Variants in TRMT2A observed in about 807,000 individuals in gnomAD.
TRMT2A encodes the protein tRNA (uracil-5-)-methyltransferase homolog A.
In TRMT2A, 60 loss-of-function variants were observed where a neutral mutation model predicts 59.3. That is an observed-to-expected ratio of 1.01 (90% CI 0.82 to 1.26). TRMT2A has a LOEUF of 1.26. TRMT2A is among the 50% of genes most tolerant of loss of function. The probability of loss-of-function intolerance (pLI) is 0.00; values close to 1 mark genes in which losing one functional copy is unlikely to be tolerated. For missense variants in TRMT2A, 863 were observed against 845.2 expected, an observed-to-expected ratio of 1.02 and a Z score of -0.26; for synonymous variants, 403 against 353.7, an observed-to-expected ratio of 1.14 and a Z score of -1.56.
At position 20,113,109 on chromosome 22, in the gene TRMT2A, G is replaced by A. The variant is rs745407437; in HGVS notation, c.1549+9C>T. On this transcript the variant is annotated intron_variant, in intron 10 of 11. Transcript: ENST00000252136. ...TCCCGTGCCACCTCCTTAAGCAAAA[G>A]CCACTCACGCAAGCCAGCACGGGGT... 7 of 1,606,888 alleles carry A rather than the reference G, an allele frequency of 4.4e-6. No individual in the cohort carries two copies. Among genetic ancestry groups the A allele is most frequent in the Non-Finnish European group, 6.0e-6 (7 of 1,175,482 alleles).
chr22:20,115,158 C>T (rs1402470302), intron 4 of TRMT2A, 79 bp from the exon 5 acceptor site: 3 of 1,564,984 alleles, frequency 1.9e-6, no homozygotes, highest in South Asian at 2.3e-5. Flanking sequence ...CCACACCTTC[C>T]TTCATCTGGC....
In TRMT2A at chr22:20,115,665, G is replaced by C. The variant is rs751176877; in HGVS notation, c.708+7C>G. ...AGGGGTTTGTGGCCACCGAAGTCTA[G>C]TCTGACCTGCTGGGGTGATGGCCTG... On this transcript the variant is annotated splice_region_variant and intron_variant, in intron 3 of 11. Transcript: ENST00000252136. The C allele has an allele frequency of 1.9e-6, 3 of 1,612,786 alleles. No individual in the cohort carries two copies. The highest frequency in any genetic ancestry group is 2.5e-6 in the Non-Finnish European group (3 of 1,179,888).
rs1568968085 is a variant in TRMT2A at position 20,112,807 on chromosome 22, A to G, written c.1647-13T>C. On this transcript the variant is annotated splice_polypyrimidine_tract_variant and intron_variant, in intron 11 of 11. Transcript: ENST00000252136. ...GGCTCTGCAGAGGCTGTGGGGGGAA[A>G]AGGGGGGCGCTAAGGTCAGCCGATA... is the stretch of plus-strand genomic sequence containing the variant. The G allele has an allele frequency of 6.2e-7, 1 of 1,612,862 alleles. No individual in the cohort carries two copies. Among genetic ancestry groups the G allele is most frequent in the Admixed American group, 1.7e-5 (1 of 60,010 alleles).
rs1568967403 is a variant in TRMT2A, at chr22:20,112,585, G to A, written c.1856C>T (p.Thr619Ile). The A allele has an allele frequency of 6.2e-7, 1 of 1,614,012 alleles. No homozygotes were observed. The highest frequency in any genetic ancestry group is 1.1e-5 in the South Asian group (1 of 91,086). The change falls in exon 12 of 12, where the codon ACT becomes ATT. Residue 619 changes from threonine to isoleucine, a missense_variant. Thr to Ile is a moderately conservative substitution (Grantham distance 89). Transcript: ENST00000252136. ...GGCCTAGGATGAGGGGAAGGTCCCAGTTTCTTGTAGGGTGTTATCTGGGGG... is the reference window on the plus strand; with the variant it reads ...GGCCTAGGATGAGGGGAAGGTCCCAATTTCTTGTAGGGTGTTATCTGGGGG... ...PGPPDNTLQE[T>I]GTFPSS
At position 20,113,162 on chromosome 22, in the gene TRMT2A, G is replaced by T. The variant is rs763811273; in HGVS notation, c.1505C>A (p.Ser502Tyr). 40 of 1,597,994 alleles carry T rather than the reference G, an allele frequency of 2.5e-5. No individual in the cohort carries two copies. The highest frequency in any genetic ancestry group is 3.2e-5 in the Non-Finnish European group (37 of 1,171,304). Reference protein sequence around the residue: ...LVPTLVSRLASQHLVAILDPP... With the variant: ...LVPTLVSRLAYQHLVAILDPP... ...GTCCAGGATGGCCACGAGGTGCTGG[G>T]AGGCCAGTCTGCTCACCAGGGTGGG... The change falls in exon 10 of 12, where the codon TCC becomes TAC. Residue 502 changes from serine (S) to tyrosine (Y), a missense_variant. Transcript: ENST00000252136.
At position 20,112,507 on chromosome 22, in the gene TRMT2A, C is replaced by T. The variant is rs1170367139; in HGVS notation, c.*56G>A. The T allele has an allele frequency of 1.9e-6, 3 of 1,566,328 alleles. No homozygotes were observed. The highest frequency in any genetic ancestry group is 2.6e-6 in the Non-Finnish European group (3 of 1,154,672). On this transcript the variant is annotated 3_prime_UTR_variant, in exon 12 of 12. Transcript: ENST00000252136. ...TCCTGGCCAGCAAGCCATGCCTTCC[C>T]CGCCCCTGGGGCCCTGGGAGCCCTT...
intron 1 of TRMT2A, 89 bp from the exon 2 acceptor site, chr22:20,116,701 G>A: frequency 1.4e-6 from 2 of 1,462,480 alleles, no homozygotes; most frequent in Non-Finnish European, 1.8e-6. Flanking sequence ...CCAGACCTCC[G>A]TCGGTGCACT....
At chr22:20,112,881 G>A (rs2049887970) in intron 11 of TRMT2A, 30 bp downstream of exon 11, 2 of 1,612,464 alleles carry the variant, frequency 1.2e-6, no homozygotes, top group East Asian at 4.5e-5. Flanking sequence ...AGCAGGCCTA[G>A]CCCCCACCCA....
Position 20,116,552 on chromosome 22 carries a change from C to T in TRMT2A, c.85G>A (p.Val29Ile), listed in dbSNP as rs762579927. The part of the protein sequence containing the change: ...ESSSALSCPT[V>I]SVPPAAPAAL... ...GCCGGGGCTGCAGGGGGCACCGAGA[C>T]GGTAGGGCAGCTCAGGGCACTGCTG... The change falls in exon 2 of 12, where the codon GTC (valine) becomes ATC (isoleucine). Residue 29 changes from valine to isoleucine, a missense_variant. By Grantham distance (29) the Val-to-Ile change is conservative. Transcript: ENST00000252136. 5 of 1,593,810 alleles carry T rather than the reference C, an allele frequency of 3.1e-6. No homozygotes were observed. Among genetic ancestry groups the T allele is most frequent in the Non-Finnish European group, 3.4e-6 (4 of 1,173,318 alleles).
In TRMT2A at chr22:20,114,679, A is replaced by C. The variant is rs765283831; in HGVS notation, c.1128T>G (p.Thr376=). The change falls in exon 7 of 12, where the codon ACT becomes ACG. Residue 376 remains threonine (T), a synonymous_variant. Transcript: ENST00000252136. Reference sequence around the variant, plus strand: ...CCAGGGGCAGGCCCTCCTGGCTAGGAGTCTTTCTGTGGGCGAAGGTGCAGG... The same window carrying C: ...CCAGGGGCAGGCCCTCCTGGCTAGGCGTCTTTCTGTGGGCGAAGGTGCAGG... ...LYFVEEGQRK[T]PSQEGLPLEH... 1.2e-6 allele frequency: 2 copies of C among 1,613,342 alleles called. No individual in the cohort carries two copies. Among genetic ancestry groups the C allele is most frequent in the Non-Finnish European group, 1.7e-6 (2 of 1,179,946 alleles).
Position 20,116,529 on chromosome 22 carries a change from C to T in TRMT2A, c.108G>A (p.Pro36=), listed in dbSNP as rs372017048. ...CTTTCTCCACCTCCTCCAGGGCTGC[C>T]GGGGCTGCAGGGGGCACCGAGACGG... ...CPTVSVPPAA[P]AALEEVEKEG... is the part of the protein sequence containing the mutation. Residue 36 remains proline, a synonymous_variant, in exon 2 of 12, where the codon CCG becomes CCA. Transcript: ENST00000252136. 1.9e-6 allele frequency: 3 copies of T among 1,607,410 alleles called. No homozygotes were observed. Among genetic ancestry groups the T allele is most frequent in the African/African-American group, 1.3e-5 (1 of 74,718 alleles).
rs760032113 is a variant in TRMT2A, at chr22:20,114,880, G to C, written c.1006-4C>G. 6.3e-6 allele frequency: 10 copies of C among 1,584,958 alleles called. No individual in the cohort carries two copies. The highest frequency in any genetic ancestry group is 8.6e-6 in the Non-Finnish European group (10 of 1,166,930). ...CCAGCTCCTCAGGGCTCAGCTTCTGGAGTAAGTGGTGAAAAGTTCCCATCA... is the reference window on the plus strand; with the variant it reads ...CCAGCTCCTCAGGGCTCAGCTTCTGCAGTAAGTGGTGAAAAGTTCCCATCA... On this transcript the variant is annotated splice_polypyrimidine_tract_variant and splice_region_variant and intron_variant, in intron 5 of 11. Transcript: ENST00000252136.
Position 20,112,234 on chromosome 22 carries a change from A to C in TRMT2A, c.*329T>G. 1 of 381,776 alleles carries C rather than the reference A, an allele frequency of 2.6e-6. No homozygotes were observed. Among genetic ancestry groups the C allele is most frequent in the Non-Finnish European group, 4.7e-6 (1 of 211,554 alleles). The allele number at this position is 381,776 out of a possible 1,614,324, so 23.6% of individuals were successfully genotyped here. On this transcript the variant is annotated 3_prime_UTR_variant, in exon 12 of 12. Transcript: ENST00000252136. ...GAGGCTTGCAGAGCTGCCTAGGCCT[A>C]GTTTGGCCCTTTCCCTGGCACCCAG...
At position 20,111,971 on chromosome 22, in the gene TRMT2A, C is replaced by T. The variant is rs2147949615; in HGVS notation, c.*592G>A. The stretch of plus-strand genomic sequence containing the variant: ...CCTGGGGCCTCCCTGCAGGCTGGAC[C>T]CTGCCTTTGTAACAGCTGAGCAGCA... On this transcript the variant is annotated 3_prime_UTR_variant, in exon 12 of 12. Coordinates refer to ENST00000252136, the MANE Select transcript of TRMT2A (RefSeq NM_022727.6). 6.5e-6 allele frequency: 1 copy of T among 154,974 alleles called. No homozygotes were observed. Among genetic ancestry groups the T allele is most frequent in the Non-Finnish European group, 1.4e-5 (1 of 70,062 alleles). 9.6% of individuals were successfully genotyped at this position (154,974 alleles called of 1,614,324 possible).
rs765509916 is a variant in TRMT2A at position 20,112,938 on chromosome 22, G to A, written c.1619C>T (p.Pro540Leu). 4 of 1,613,742 alleles carry A rather than the reference G, an allele frequency of 2.5e-6. No homozygotes were observed. Among genetic ancestry groups the A allele is most frequent in the Non-Finnish European group, 3.4e-6 (4 of 1,179,946 alleles). ...CACAAAGTTGCCCATGGCTGCCCGGGGGTTGCATGAGACGTACAGCAGCCG... is the reference window on the plus strand; with the variant it reads ...CACAAAGTTGCCCATGGCTGCCCGGAGGTTGCATGAGACGTACAGCAGCCG... ...LRRLLYVSCN[P>L]RAAMGNFVDL... The change falls in exon 11 of 12, where the codon CCC (proline) becomes CTC (leucine). Residue 540 changes from proline (P) to leucine (L), a missense_variant. Physicochemically the swap from Pro to Leu is moderately conservative, Grantham distance 98. Transcript: ENST00000252136.
At position 20,114,460 on chromosome 22, in the gene TRMT2A, T is replaced by A. The variant is rs1005017301; in HGVS notation, c.1233+114A>T. On this transcript the variant is annotated intron_variant, in intron 7 of 11. Transcript: ENST00000252136. Reference sequence around the variant, plus strand: ...ACTTCACCCTCCCCTGTGGCTCACCTGCCTGGATACTCCCCCAAATCTCAC... The same window carrying A: ...ACTTCACCCTCCCCTGTGGCTCACCAGCCTGGATACTCCCCCAAATCTCAC... The A allele has an allele frequency of 2.0e-5, 18 of 879,462 alleles. No individual in the cohort carries two copies. In the Middle Eastern group the frequency reaches 8.8e-4, roughly 43 times the overall value. 54.5% of individuals were successfully genotyped at this position (879,462 alleles called of 1,614,324 possible).
chr22:20,116,181 G>A lies in TRMT2A; in HGVS notation c.456C>T (p.Ala152=), dbSNP rs2050011295. 6.2e-7 allele frequency: 1 copy of A among 1,612,958 alleles called. No homozygotes were observed. Among genetic ancestry groups the A allele is most frequent in the Non-Finnish European group, 8.5e-7 (1 of 1,179,968 alleles). The change falls in exon 2 of 12, where the codon GCC becomes GCT. Residue 152 remains alanine (A), a synonymous_variant. Transcript: ENST00000252136. ...TCTCACCCTCCTGTCGCCTCCTCCT[G>A]GCCATGGGGTCGGCCTTGGGCCGGG... is the stretch of plus-strand genomic sequence containing the variant. ...RLARPKADPM[A]RRRRQEGESE...
At position 20,116,458 on chromosome 22, in the gene TRMT2A, T is replaced by C. The variant is rs758915275; in HGVS notation, c.179A>G (p.Tyr60Cys). The change falls in exon 2 of 12, where the codon TAC (tyrosine) becomes TGC (cysteine). Residue 60 changes from tyrosine to cysteine, a missense_variant. Transcript: ENST00000252136. The stretch of plus-strand genomic sequence containing the variant: ...AAACAAGTCATCCCTGATGTAGCTG[T>C]AGAGCCCGGGCTGAGGCCCCGGCCC... Reference protein sequence around the residue: ...ATGPGPQPGLYSYIRDDLFTS... With the variant: ...ATGPGPQPGLCSYIRDDLFTS... The C allele has an allele frequency of 6.2e-7, 1 of 1,612,874 alleles. No homozygotes were observed.
chr22:20,113,053 T>C (rs934280635), intron 10 of TRMT2A, 46 bp from the exon 11 acceptor site: 1 of 1,612,258 alleles, frequency 6.2e-7, no homozygotes, highest in South Asian at 1.1e-5. Flanking sequence ...AGAGAGTGCA[T>C]AACATGGTGA....
Sources: gnomAD v4.1 joint callset for allele counts on GRCh38, gnomAD v4.1.1 for gene constraint, MANE v1.5 for transcripts, NCBI Gene and HGNC (gene_info 2026-07-23, HGNC 2026-07-21) for gene names.